Variants in CPO observed in about 807,000 individuals in gnomAD.
CPO encodes carboxypeptidase O.
Under a neutral mutation model 41.2 loss-of-function variants are expected in CPO, and 43 were observed. The observed-to-expected ratio is 1.04, with a 90% CI of 0.82 to 1.35. CPO has a LOEUF of 1.35. Ranked by LOEUF, CPO falls within the 40% of genes most tolerant of loss-of-function variation. CPO has a pLI of 0.00. For missense variants in CPO, 408 were observed against 451.7 expected (o/e 0.90, Z 0.88); for synonymous variants, 178 against 162.7 (o/e 1.09, Z -0.72).
chr2:206,968,192 A>C, intron 7 of CPO, 71 bp from the exon 8 acceptor site: 1 of 1,089,254 alleles, frequency 9.2e-7, no homozygotes, highest in Non-Finnish European at 1.4e-6. Flanking sequence ...ATCTGGACAA[A>C]ACACCAAATG....
intron 2 of CPO, among the ~76,000 whole-genome samples, chr2:206,951,279 AG>A (rs1420670943): frequency 6.6e-6 from 1 of 152,220 alleles, no homozygotes; most frequent in Non-Finnish European, 1.5e-5. Flanking sequence ...CTCCAAAAAA[AG>A]AAATATTTGT....
At chr2:206,962,648 C>A in intron 7 of CPO, 34 bp downstream of exon 7, 1 of 1,538,046 alleles carries the variant, frequency 6.5e-7, no homozygotes, top group Non-Finnish European at 9.0e-7. Context: ...CCAGAAAAAC[C>A]TCAGCAAGAC....
intron 7 of CPO, among the ~76,000 whole-genome samples, chr2:206,966,786 G>A (rs1412118402): frequency 1.3e-5 from 2 of 152,140 alleles, no homozygotes; most frequent in Admixed American, 6.5e-5. Context: ...TTTGATTTTA[G>A]TCAGACACAG....
At chr2:206,969,093 C>T (rs1186207713) in intron 8 of CPO, 81 bp from the exon 9 acceptor site, 10 of 1,385,954 alleles carry the variant, frequency 7.2e-6, no homozygotes, top group Non-Finnish European at 6.1e-6. Flanking sequence ...ACTAAGTGAA[C>T]CTTTAGTTCC....
chr2:206,941,116 T>C (rs62196047), intron 1 of CPO, among the ~76,000 whole-genome samples: 11,274 of 152,108 alleles, frequency 0.074, 510 homozygotes, highest in Middle Eastern at 0.19. Flanking sequence ...CTAGTGTTCC[T>C]GCCTCTGGAC....
At chr2:206,961,032 T>A in intron 6 of CPO, 90 bp downstream of exon 6, 1 of 908,232 alleles carries the variant, frequency 1.1e-6, no homozygotes, top group Non-Finnish European at 1.8e-6. Context: ...TTTTTGAAAA[T>A]AACATCTAAT....
chr2:206,964,327 A>G (rs552661576), intron 7 of CPO, among the ~76,000 whole-genome samples: 7 of 152,344 alleles, frequency 4.6e-5, no homozygotes, highest in African/African-American at 1.4e-4. Flanking sequence ...ATTTTGTAAC[A>G]TGTGGAAATA....
At chr2:206,952,332 C>G (rs1693280741) in intron 2 of CPO, among the ~76,000 whole-genome samples, 1 of 152,036 alleles carries the variant, frequency 6.6e-6, no homozygotes, top group African/African-American at 2.4e-5. Flanking sequence ...CCAGGTTGGT[C>G]TTGAACTCCT....
intron 6 of CPO, among the ~76,000 whole-genome samples, chr2:206,961,693 G>A (rs1693480869): frequency 1.3e-5 from 2 of 152,056 alleles, no homozygotes; most frequent in Admixed American, 6.6e-5. Context: ...AAGCTAGTAA[G>A]ACATGAAGGA....
chr2:206,941,236 A>G (rs1027227461), intron 1 of CPO, among the ~76,000 whole-genome samples: 31 of 152,036 alleles, frequency 2.0e-4, no homozygotes, highest in African/African-American at 6.7e-4. Context: ...TTGAATGTCT[A>G]TGTTAGGTTA....
At chr2:206,951,959 C>G (rs2105822815) in intron 2 of CPO, among the ~76,000 whole-genome samples, 1 of 152,320 alleles carries the variant, frequency 6.6e-6, no homozygotes, top group South Asian at 2.1e-4. Flanking sequence ...ATGTGGTAAG[C>G]TGTTATTCTT....
chr2:206,948,209 CTG>C (rs1693182333), intron 1 of CPO, among the ~76,000 whole-genome samples: 2 of 152,168 alleles, frequency 1.3e-5, no homozygotes, highest in Non-Finnish European at 2.9e-5. Flanking sequence ...GGTAAATAAA[CTG>C]TGGTATATCC....
chr2:206,947,416 G>C (rs1693166507), intron 1 of CPO, among the ~76,000 whole-genome samples: 1 of 152,066 alleles, frequency 6.6e-6, no homozygotes, highest in African/African-American at 2.4e-5. Context: ...ATGTATCATA[G>C]ACCTGAATAG....
intron 7 of CPO, among the ~76,000 whole-genome samples, chr2:206,967,581 G>A (rs1175862328): frequency 2.6e-5 from 4 of 152,036 alleles, no homozygotes; most frequent in African/African-American, 9.7e-5. Flanking sequence ...AGAGGTAGGG[G>A]TCCCATGTGG....
chr2:206,941,920 A>G (rs532099623), intron 1 of CPO, among the ~76,000 whole-genome samples: 15 of 152,218 alleles, frequency 9.9e-5, no homozygotes, highest in African/African-American at 3.6e-4. Flanking sequence ...TATCAATCAA[A>G]TGGCTTGAAA....
At chr2:206,952,042 A>G (rs891792687) in intron 2 of CPO, among the ~76,000 whole-genome samples, 1 of 152,256 alleles carries the variant, frequency 6.6e-6, no homozygotes, top group African/African-American at 2.4e-5. Flanking sequence ...CATTTTATCT[A>G]TACCTAGCCC....
chr2:206,964,584 C>A (rs2105829162), intron 7 of CPO, among the ~76,000 whole-genome samples: 1 of 152,268 alleles, frequency 6.6e-6, no homozygotes, highest in East Asian at 1.9e-4. Context: ...AAAGGATGTG[C>A]AACTTCTAGG....
chr2:206,941,871 A>C (rs941861239), intron 1 of CPO, among the ~76,000 whole-genome samples: 3 of 152,104 alleles, frequency 2.0e-5, no homozygotes, highest in African/African-American at 7.2e-5. Flanking sequence ...ATACATCCTG[A>C]AAAAGTGTAA....
At chr2:206,947,929 A>G (rs1693176618) in intron 1 of CPO, among the ~76,000 whole-genome samples, 1 of 152,248 alleles carries the variant, frequency 6.6e-6, no homozygotes, top group South Asian at 2.1e-4. Context: ...ACAACACTAA[A>G]TGCTGACAAG....
Sources: allele counts gnomAD v4.1 joint callset (sites outside exome capture counted in the v4.1 genomes callset), GRCh38; gene constraint gnomAD v4.1.1; transcripts MANE v1.5; gene names NCBI Gene and HGNC (gene_info 2026-07-23, HGNC 2026-07-21).